Variants in DZANK1 observed in about 807,000 individuals in gnomAD.
DZANK1 encodes double zinc ribbon and ankyrin repeat-containing protein 1.
DZANK1 carries 91 observed loss-of-function variants against 94.5 expected under a neutral mutation model. That is an observed-to-expected ratio of 0.96 (90% CI 0.81 to 1.15). The LOEUF (loss-of-function observed/expected upper bound fraction) is 1.15, where lower values mean the gene tolerates loss of function less well. Among genes scored for constraint, DZANK1 ranks in the 50% most tolerant of loss-of-function variants. The probability of loss-of-function intolerance (pLI) is 0.00; values close to 1 mark genes in which losing one functional copy is unlikely to be tolerated. For missense variants in DZANK1, 903 were observed against 916.4 expected (o/e 0.99, Z 0.19); for synonymous variants, 312 against 325.3 (o/e 0.96, Z 0.44).
Position 18,394,462 on chromosome 20 carries a change from C to T in DZANK1, c.1612-112G>A, listed in dbSNP as rs568992263. ...CCTTATTAAGTACAGCTCTACCTACCCAGAGAGTGGAGCCTGAGACCTGGA... is the reference window on the plus strand; with the variant it reads ...CCTTATTAAGTACAGCTCTACCTACTCAGAGAGTGGAGCCTGAGACCTGGA... On this transcript the variant is annotated intron_variant, in intron 15 of 20. Coordinates refer to ENST00000262547, the Ensembl canonical transcript of DZANK1. The T allele has an allele frequency of 1.7e-5, 18 of 1,032,016 alleles. No homozygotes were observed. The South Asian group carries it at 2.3e-4, about 13-fold the overall frequency. The allele number at this position is 1,032,016 out of a possible 1,614,324, so 63.9% of individuals were successfully genotyped here.
intron 8 of DZANK1, 76 bp from the exon 9 acceptor site, chr20:18,433,841 G>A: frequency 7.6e-7 from 1 of 1,316,550 alleles, no homozygotes. Flanking sequence ...TGTAAGGTTT[G>A]GTCTACAGCC....
At chr20:18,451,965 G>A (rs780725092) in intron 6 of DZANK1, 1 of 516,812 alleles carries the variant, frequency 1.9e-6, no homozygotes, top group Non-Finnish European at 3.9e-6. Context: ...TGTCTTGCCT[G>A]CCAAACAGAT....
rs57700908 is a variant in DZANK1, at chr20:18,443,038, T to A, written c.747+309A>T. On this transcript the variant is annotated intron_variant, in intron 8 of 20. Transcript: ENST00000262547. ...TTATTTATTTCTAGAATATATTTCCTTATTATACCCAGGATATGAGCAGAG... is the reference window on the plus strand; with the variant it reads ...TTATTTATTTCTAGAATATATTTCCATATTATACCCAGGATATGAGCAGAG... Among the ~76,000 whole-genome samples, 656 of 152,318 alleles carry A rather than the reference T, an allele frequency of 4.3e-3. 6 individuals are homozygous for A. Among genetic ancestry groups the A allele is most frequent in the African/African-American group, 0.015 (634 of 41,556 alleles).
intron 2 of DZANK1, among the ~76,000 whole-genome samples, chr20:18,461,897 G>T (rs1360881632): frequency 6.6e-6 from 1 of 151,968 alleles, no homozygotes; most frequent in Non-Finnish European, 1.5e-5. Context: ...ACCATGCCCT[G>T]CCAGCATTTG....
chr20:18,435,456 G>T (rs892015196), intron 8 of DZANK1, among the ~76,000 whole-genome samples: 1 of 152,174 alleles, frequency 6.6e-6, no homozygotes, highest in African/African-American at 2.4e-5. Flanking sequence ...GGACATGGAT[G>T]AAGCTGGAAG....
At position 18,390,422 on chromosome 20, in the gene DZANK1, G is replaced by GT. The variant is rs780728749; in HGVS notation, c.1846dup (p.Thr616AsnfsTer10). On this transcript the variant is annotated frameshift_variant, in exon 18 of 21. Coordinates refer to ENST00000262547, the Ensembl canonical transcript of DZANK1. LOFTEE classifies it high-confidence loss of function. ...AATCACAGAGACTCTTCCTTCCCCCGTGGGTCCGACTTCCTTCAGCAGGAG... is the reference window on the plus strand; with the variant it reads ...AATCACAGAGACTCTTCCTTCCCCCGTTGGGTCCGACTTCCTTCAGCAGGAG... 8.7e-6 allele frequency: 14 copies of GT among 1,613,814 alleles called. No homozygotes were observed. Among genetic ancestry groups the GT allele is most frequent in the South Asian group, 1.1e-5 (1 of 91,082 alleles).
exon 14 of DZANK1, chr20:18,398,591 G>A (rs2056494042): frequency 1.2e-6 from 2 of 1,614,014 alleles, no homozygotes; most frequent in South Asian, 2.2e-5. Context: ...CACCTGAGGT[G>A]AGCAGAGATG....
chr20:18,465,886 T>C (rs1037253003), intron 1 of DZANK1, among the ~76,000 whole-genome samples: 2 of 152,226 alleles, frequency 1.3e-5, no homozygotes, highest in Non-Finnish European at 2.9e-5. Flanking sequence ...GCAGTTCTAG[T>C]ATTTGAAAGC....
In DZANK1 at chr20:18,449,755, C is replaced by CA. The variant is rs55784090; in HGVS notation, c.544-687dup. On this transcript the variant is annotated intron_variant, in intron 6 of 20. Transcript: ENST00000262547. Reference sequence around the variant, plus strand: ...CCTGGGTGAGAGTGAGACTCTGTCTCAAAAAAAAAAAAAAAAAAAGTAAAA... The same window carrying CA: ...CCTGGGTGAGAGTGAGACTCTGTCTCAAAAAAAAAAAAAAAAAAAAGTAAAA... 3.3e-3 allele frequency among the ~76,000 whole-genome samples: 323 copies of CA among 98,984 alleles called. 3 individuals carry two copies. Among genetic ancestry groups the CA allele is most frequent in the Admixed American group, 0.021 (191 of 8,918 alleles). The allele number at this position is 98,984 out of a possible 152,430, so 64.9% of individuals were successfully genotyped here. A position where few individuals can be genotyped will look rare whatever the true frequency, so the allele number is the denominator to read the frequency against.
intron 8 of DZANK1, among the ~76,000 whole-genome samples, chr20:18,434,911 G>C (rs147809247): frequency 1.2e-3 from 176 of 152,282 alleles, no homozygotes; most frequent in African/African-American, 3.9e-3. Context: ...TGGGGTAATC[G>C]ATGCACTGAC....
chr20:18,429,100 G>A (rs1358714022), intron 9 of DZANK1, among the ~76,000 whole-genome samples: 1 of 152,200 alleles, frequency 6.6e-6, no homozygotes, highest in Non-Finnish European at 1.5e-5. Flanking sequence ...ATTTAGGGCT[G>A]TGACTTTCCT....
chr20:18,441,313 A>C lies in DZANK1; in HGVS notation c.747+2034T>G, dbSNP rs2058708025. ...CGGCACTGTTCCCAAGCAAAGGACA[A>C]GACCAAACCACTTCCAAAATCCCAT... On this transcript the variant is annotated intron_variant, in intron 8 of 20. Coordinates refer to ENST00000262547, the Ensembl canonical transcript of DZANK1. This position sits in a 1 kb window ranked among gnomAD's most constrained non-coding sequence, Gnocchi z 4.1. 6.6e-6 allele frequency among the ~76,000 whole-genome samples: 1 copy of C among 152,206 alleles called. No individual in the cohort carries two copies. Among genetic ancestry groups the C allele is most frequent in the African/African-American group, 2.4e-5 (1 of 41,454 alleles).
At chr20:18,428,779 A>C (rs559808633) in intron 9 of DZANK1, 1 of 152,308 alleles carries the variant, frequency 6.6e-6, no homozygotes, top group Non-Finnish European at 1.5e-5. Context: ...ATCAAGAAAA[A>C]CAAAGCCCAG....
intron 9 of DZANK1, among the ~76,000 whole-genome samples, chr20:18,431,503 G>A (rs113015778): frequency 4.6e-5 from 7 of 152,220 alleles, no homozygotes; most frequent in East Asian, 1.9e-4. Context: ...CTGTCTGGGT[G>A]AGAATGTTAT....
chr20:18,423,106 C>T lies in DZANK1; in HGVS notation c.954+3961G>A, dbSNP rs116412035. ...TTATAGAAGCCAAAAACCTCTATCA[C>T]CTTGTGATTTGTATTACAAGTGCCT... On this transcript the variant is annotated intron_variant, in intron 10 of 20. Coordinates refer to ENST00000262547, the Ensembl canonical transcript of DZANK1. Among the ~76,000 whole-genome samples the T allele has an allele frequency of 4.7e-3, 713 of 152,178 alleles. 6 individuals are homozygous for T. The highest frequency in any genetic ancestry group is 0.016 in the African/African-American group (684 of 41,502).
At chr20:18,438,596 C>T (rs2058619495) in intron 8 of DZANK1, among the ~76,000 whole-genome samples, 1 of 152,116 alleles carries the variant, frequency 6.6e-6, no homozygotes, top group South Asian at 2.1e-4. Flanking sequence ...CAAAGAGAGA[C>T]ATTTGGGGAT....
intron 13 of DZANK1, among the ~76,000 whole-genome samples, chr20:18,403,160 G>C (rs1334062764): frequency 6.6e-6 from 1 of 152,186 alleles, no homozygotes; most frequent in Non-Finnish European, 1.5e-5. Flanking sequence ...GTGTGGTCAA[G>C]AGATGGGGGC....
At chr20:18,413,128 T>C in intron 12 of DZANK1, 1 of 498,860 alleles carries the variant, frequency 2.0e-6, no homozygotes, top group Non-Finnish European at 3.6e-6. Flanking sequence ...ATCTATCCTT[T>C]TCAGCTCTGT....
At chr20:18,403,349 C>A (rs958256961) in intron 13 of DZANK1, among the ~76,000 whole-genome samples, 1 of 152,178 alleles carries the variant, frequency 6.6e-6, no homozygotes, top group Non-Finnish European at 1.5e-5. Flanking sequence ...GCTTACCCAG[C>A]CCCTAAAGCA....
Sources: allele counts gnomAD v4.1 joint callset (sites outside exome capture counted in the v4.1 genomes callset), GRCh38; gene constraint gnomAD v4.1.1; non-coding constraint Gnocchi (gnomAD v3.1); transcripts MANE v1.5; gene names NCBI Gene and HGNC (gene_info 2026-07-23, HGNC 2026-07-21).